ZNF248: variants seen among roughly 807,000 people sequenced by gnomAD.
ZNF248 encodes the protein zinc finger protein 248.
In ZNF248, 20 loss-of-function variants were observed where a neutral mutation model predicts 44.3. That is an observed-to-expected ratio of 0.45 (90% CI 0.32 to 0.66). The LOEUF (loss-of-function observed/expected upper bound fraction) is 0.66, where lower values mean the gene tolerates loss of function less well. ZNF248 is among the 30% of genes least tolerant of loss of function. The pLI is 0.04. For synonymous variants in ZNF248, 224 were observed against 229.0 expected (o/e 0.98, Z 0.20); for missense variants, 654 against 677.0 (o/e 0.97, Z 0.38).
chr10:37,817,872 C>T (rs2052769867), intron 6 of ZNF248, among the ~76,000 whole-genome samples: 1 of 152,010 alleles, frequency 6.6e-6, no homozygotes, highest in South Asian at 2.1e-4. Context: ...TAAATATAGA[C>T]ACTGGACTAG....
intron 3 of ZNF248, among the ~76,000 whole-genome samples, chr10:37,850,771 C>T (rs1167179750): frequency 6.6e-6 from 1 of 151,976 alleles, no homozygotes; most frequent in African/African-American, 2.4e-5. Context: ...AAAACTGAGC[C>T]TCAATCTAAA....
Position 37,857,239 on chromosome 10 carries a change from C to G in ZNF248, c.-180G>C, listed in dbSNP as rs2061463584. 1 of 152,630 alleles carries G rather than the reference C, an allele frequency of 6.6e-6. No homozygotes were observed. The highest frequency in any genetic ancestry group is 2.1e-4 in the South Asian group (1 of 4,844). The allele number at this position is 152,630 out of a possible 1,614,324, so 9.5% of individuals were successfully genotyped here. A position where few individuals can be genotyped will look rare whatever the true frequency, so the allele number is the denominator to read the frequency against. ...TGCACCAGCACACAGACTCCGACGG[C>G]TTCAGGATACTGTGCCATGATTACA... On this transcript the variant is annotated 5_prime_UTR_variant, in exon 1 of 6. Coordinates refer to ENST00000395867, the MANE Select transcript of ZNF248 (RefSeq NM_021045.3).
At chr10:37,776,860 A>G (rs922381244) in intron 6 of ZNF248, among the ~76,000 whole-genome samples, 2 of 152,128 alleles carry the variant, frequency 1.3e-5, no homozygotes, top group East Asian at 3.9e-4. Flanking sequence ...TGTGACCTTC[A>G]CCATTTCACT....
At position 37,832,134 on chromosome 10, in the gene ZNF248, G is replaced by A. The variant is rs942936661; in HGVS notation, c.1221C>T (p.Pro407=). The A allele has an allele frequency of 2.5e-6, 4 of 1,613,774 alleles. No individual in the cohort carries two copies. In the East Asian group the frequency reaches 6.7e-5, roughly 27 times the overall value. Residue 407 remains proline (P), a synonymous_variant, in exon 6 of 6, where the codon CCC becomes CCT. Transcript: ENST00000395867. ...CTTTCCCACATTCAGTACATTCATAGGGCTTCTCTCCTGTGTGTGTTCTCT... is the reference window on the plus strand; with the variant it reads ...CTTTCCCACATTCAGTACATTCATAAGGCTTCTCTCCTGTGTGTGTTCTCT... The part of the protein sequence containing the change: ...QHQRTHTGEK[P]YECTECGKAF...
intron 5 of ZNF248, among the ~76,000 whole-genome samples, chr10:37,836,922 T>A (rs1192898386): frequency 6.6e-6 from 1 of 152,048 alleles, no homozygotes; most frequent in African/African-American, 2.4e-5. Context: ...TAAATGAATA[T>A]ATAGAAGGAT....
intron 3 of ZNF248, among the ~76,000 whole-genome samples, chr10:37,850,641 A>C (rs897775691): frequency 6.6e-6 from 1 of 152,214 alleles, no homozygotes; most frequent in Admixed American, 6.5e-5. Context: ...ATAGGCCTAC[A>C]CAAATATACT....
At chr10:37,818,904 C>T in intron 6 of ZNF248, 1 of 1,084,798 alleles carries the variant, frequency 9.2e-7, no homozygotes, top group South Asian at 1.2e-5. Flanking sequence ...CAGAAAGACA[C>T]TGATAGAAGA....
chr10:37,851,602 CTT>C (rs140834681), intron 3 of ZNF248, among the ~76,000 whole-genome samples: 2,200 of 151,682 alleles, frequency 0.015, 56 homozygotes, highest in African/African-American at 0.05. Flanking sequence ...TAATCTATCT[CTT>C]GTTACAGGGG....
chr10:37,813,225 TAGAC>T (rs1484550555), intron 6 of ZNF248, among the ~76,000 whole-genome samples: 1 of 152,210 alleles, frequency 6.6e-6, no homozygotes, highest in Non-Finnish European at 1.5e-5. Context: ...AAACTGCCAT[TAGAC>T]AGTCTGGCAG....
intron 6 of ZNF248, among the ~76,000 whole-genome samples, chr10:37,788,764 G>T (rs1053935630): frequency 3.3e-5 from 5 of 152,176 alleles, no homozygotes; most frequent in African/African-American, 7.2e-5. Context: ...TGATGTTGAG[G>T]ATATGGAGAA....
downstream of ZNF248, chr10:37,775,632 C>T (rs1043969241): frequency 1.3e-5 from 2 of 152,206 alleles, no homozygotes; most frequent in African/African-American, 4.8e-5. Flanking sequence ...CTGGGTTGCA[C>T]TTCCTAATGG....
At chr10:37,799,746 G>A (rs904799955) in intron 6 of ZNF248, among the ~76,000 whole-genome samples, 4 of 152,154 alleles carry the variant, frequency 2.6e-5, no homozygotes. Context: ...AGTAATACAT[G>A]TAATGATAAC....
At chr10:37,791,190 C>T (rs964007781) in intron 6 of ZNF248, among the ~76,000 whole-genome samples, 2 of 150,850 alleles carry the variant, frequency 1.3e-5, no homozygotes, top group Non-Finnish European at 3.0e-5. Context: ...TGCAGGCACC[C>T]GCCACCACGA....
At chr10:37,795,492 C>G (rs545698398) in intron 6 of ZNF248, 2 of 151,590 alleles carry the variant, frequency 1.3e-5, no homozygotes, top group African/African-American at 4.8e-5. Context: ...TTTTTTTTTC[C>G]CCCTCTCCCA....
chr10:37,853,448 G>A (rs1481690062), intron 3 of ZNF248, among the ~76,000 whole-genome samples: 2 of 152,200 alleles, frequency 1.3e-5, no homozygotes, highest in East Asian at 1.9e-4. Flanking sequence ...CGCAATCTCC[G>A]CTCACTGCAA....
chr10:37,843,018 A>T (rs894156009), intron 3 of ZNF248, among the ~76,000 whole-genome samples: 1 of 152,208 alleles, frequency 6.6e-6, no homozygotes, highest in African/African-American at 2.4e-5. Context: ...GTCAATGTGC[A>T]AAGACTGAGA....
intron 6 of ZNF248, among the ~76,000 whole-genome samples, chr10:37,782,151 T>A (rs1272560564): frequency 6.6e-6 from 1 of 152,050 alleles, no homozygotes; most frequent in Non-Finnish European, 1.5e-5. Flanking sequence ...CTACCAAGAG[T>A]ATGTGCAGCC....
At chr10:37,853,089 C>A (rs1429786137) in intron 3 of ZNF248, among the ~76,000 whole-genome samples, 1 of 151,812 alleles carries the variant, frequency 6.6e-6, no homozygotes, top group African/African-American at 2.4e-5. Context: ...CGTGATCTGC[C>A]CGCCTTGGCC....
chr10:37,774,380 A>G (rs1170379809), downstream of ZNF248, among the ~76,000 whole-genome samples: 3 of 152,222 alleles, frequency 2.0e-5, no homozygotes, highest in Admixed American at 6.5e-5. Flanking sequence ...AACCAGTGAG[A>G]GCTATCACTT....
Sources: gnomAD v4.1 joint callset for allele counts (sites outside exome capture counted in the v4.1 genomes callset) on GRCh38, gnomAD v4.1.1 for gene constraint, MANE v1.5 for transcripts, NCBI Gene and HGNC (gene_info 2026-07-23, HGNC 2026-07-21) for gene names.